The following DNMT3A variants were observed in gnomAD, a reference collection of about 807,000 sequenced individuals.
The protein encoded by DNMT3A is DNA methyltransferase 3 alpha.
Under a neutral mutation model 117.6 loss-of-function variants are expected in DNMT3A, and 267 were observed. The ratio of observed to expected loss-of-function variants is 2.27; its 90% CI spans 2.05 to 2.51. The LOEUF (loss-of-function observed/expected upper bound fraction) is 2.51. Ranked by LOEUF, DNMT3A falls within the 30% of genes most tolerant of loss-of-function variation. DNMT3A has a pLI of 0.00. For missense variants in DNMT3A, 1,029 were observed against 1,260.2 expected (o/e 0.82, Z 2.78); for synonymous variants, 432 against 474.8 (o/e 0.91, Z 1.17).
intron 1 of DNMT3A, chr2:25,328,797 C>T: frequency 2.2e-6 from 1 of 449,930 alleles, no homozygotes; most frequent in Non-Finnish European, 4.7e-6. Flanking sequence ...GCTCCGAGGG[C>T]AGAACATACA....
intron 3 of DNMT3A, among the ~76,000 whole-genome samples, chr2:25,284,107 G>T (rs1187935336): frequency 6.6e-6 from 1 of 152,206 alleles, no homozygotes; most frequent in Non-Finnish European, 1.5e-5. Context: ...TCGGCACTCT[G>T]CCACACCCAC....
At position 25,234,069 on chromosome 2, in the gene DNMT3A, A is replaced by G. The variant is rs1673046911; in HGVS notation, c.*210T>C. Reference sequence around the variant, plus strand: ...TTTTTAAATAGGACTGAAGAATAACATTGAAAAATCAGGAGATGATGTCCA... The same window carrying G: ...TTTTTAAATAGGACTGAAGAATAACGTTGAAAAATCAGGAGATGATGTCCA... On this transcript the variant is annotated 3_prime_UTR_variant, in exon 23 of 23. Transcript: ENST00000321117. This position sits in a 1 kb window ranked among gnomAD's most constrained non-coding sequence, Gnocchi z 4.5. The G allele has an allele frequency of 9.3e-6, 6 of 642,556 alleles. No homozygotes were observed. The South Asian group carries it at 1.0e-4, about 11-fold the overall frequency. 39.8% of individuals were successfully genotyped at this position (642,556 alleles called of 1,614,324 possible).
chr2:25,331,973 C>A (rs2035030594), intron 1 of DNMT3A, among the ~76,000 whole-genome samples: 1 of 152,084 alleles, frequency 6.6e-6, no homozygotes, highest in South Asian at 2.1e-4. Flanking sequence ...CAGACAGCCA[C>A]CCCAACTCCC....
At chr2:25,277,530 G>C (rs1475223942) in intron 4 of DNMT3A, among the ~76,000 whole-genome samples, 10 of 152,180 alleles carry the variant, frequency 6.6e-5, no homozygotes, top group Non-Finnish European at 1.3e-4. Flanking sequence ...CGGCTAGGGC[G>C]GGGAGTGGAG....
rs1388308807 is a variant in DNMT3A, at chr2:25,246,508, C to T, written c.1279+112G>A. 4 of 1,491,304 alleles carry T rather than the reference C, an allele frequency of 2.7e-6. No individual in the cohort carries two copies. The African/African-American group carries it at 5.6e-5, about 21-fold the overall frequency. 92.4% of individuals were successfully genotyped at this position (1,491,304 alleles called of 1,614,324 possible). A position where few individuals can be genotyped will look rare whatever the true frequency, so the allele number is the denominator to read the frequency against. ...GCAAGAGAGACCCCGGCTGTTCCCACTGGGCCCCTCTGTGGAGGCCTTGGC... is the reference window on the plus strand; with the variant it reads ...GCAAGAGAGACCCCGGCTGTTCCCATTGGGCCCCTCTGTGGAGGCCTTGGC... On this transcript the variant is annotated intron_variant, in intron 10 of 22. Coordinates refer to ENST00000321117, the MANE Select transcript of DNMT3A (RefSeq NM_022552.5).
At chr2:25,279,322 C>T (rs1466567729) in intron 4 of DNMT3A, among the ~76,000 whole-genome samples, 3 of 152,174 alleles carry the variant, frequency 2.0e-5, no homozygotes, top group Non-Finnish European at 2.9e-5. Context: ...GAAAGGGGTT[C>T]CAGGAGAGCA....
At chr2:25,303,294 G>A (rs758851840) in intron 2 of DNMT3A, among the ~76,000 whole-genome samples, 4 of 152,230 alleles carry the variant, frequency 2.6e-5, no homozygotes, top group Non-Finnish European at 4.4e-5. Flanking sequence ...GACATTTCAC[G>A]ATGGGCACCA....
At chr2:25,262,201 A>AG (rs1676679029) in intron 6 of DNMT3A, among the ~76,000 whole-genome samples, 1 of 151,470 alleles carries the variant, frequency 6.6e-6, no homozygotes, top group Non-Finnish European at 1.5e-5. Flanking sequence ...AAAAAAAAAA[A>AG]AAAAAAACCT....
Position 25,306,322 on chromosome 2 carries a change from T to G in DNMT3A, c.73-6079A>C, listed in dbSNP as rs910786881. Among the ~76,000 whole-genome samples, 2 of 152,210 alleles carry G rather than the reference T, an allele frequency of 1.3e-5. No homozygotes were observed. The highest frequency in any genetic ancestry group is 2.9e-5 in the Non-Finnish European group (2 of 68,044). On this transcript the variant is annotated intron_variant, in intron 2 of 22. Transcript: ENST00000321117. The surrounding 1 kb of genome is among the most constrained non-coding windows in gnomAD (Gnocchi z 4.1). ...AGAGCCCTCCAAAGCCCCCTACTTTTTCTGATCTCAGTCACCTCCCAAGGC... is the reference window on the plus strand; with the variant it reads ...AGAGCCCTCCAAAGCCCCCTACTTTGTCTGATCTCAGTCACCTCCCAAGGC...
Position 25,244,282 on chromosome 2 carries a change from G to A in DNMT3A, c.1724C>T (p.Ala575Val), listed in dbSNP as rs2149289733. The change falls in exon 15 of 23, where the codon GCC becomes GTC. Residue 575 changes from alanine to valine, a missense_variant. Transcript: ENST00000321117. ...LLVGPGAAQA[A>V]IKEDPWNCYM... ...GCAGTTCCAGGGGTCTTCCTTAATGGCTGCCTGGGCAGCCCCCGGCCCCAC... is the reference window on the plus strand; with the variant it reads ...GCAGTTCCAGGGGTCTTCCTTAATGACTGCCTGGGCAGCCCCCGGCCCCAC... The A allele has an allele frequency of 6.2e-7, 1 of 1,612,974 alleles. No homozygotes were observed. Among genetic ancestry groups the A allele is most frequent in the Non-Finnish European group, 8.5e-7 (1 of 1,179,600 alleles).
rs750962348 is a variant in DNMT3A at position 25,240,373 on chromosome 2, A to C, written c.2251T>G (p.Phe751Val). 3 of 1,614,030 alleles carry C rather than the reference A, an allele frequency of 1.9e-6. No homozygotes were observed. The highest frequency in any genetic ancestry group is 1.7e-6 in the Non-Finnish European group (2 of 1,180,002). ...ARPKEGDDRP[F>V]FWLFENVVAM... ...ACCACATTCTCAAAGAGCCAGAAGA[A>C]GGGGCGATCATCTCCCTCCTTGGGC... The change falls in exon 19 of 23, where the codon TTC becomes GTC. Residue 751 changes from phenylalanine to valine, a missense_variant. Phe to Val is a conservative substitution (Grantham distance 50, BLOSUM62 -1). Transcript: ENST00000321117.
chr2:25,263,239 T>G (rs1676762480), intron 6 of DNMT3A, among the ~76,000 whole-genome samples: 1 of 152,168 alleles, frequency 6.6e-6, no homozygotes, highest in South Asian at 2.1e-4. Context: ...TTGCACTTAC[T>G]GAAATTCTCA....
rs1030791846 is a variant in DNMT3A, at chr2:25,236,733, C to T, written c.2478+203G>A. ...TGTCTACCGGGGGTGATGGGCGACACTCACCAGGGAGGAAGGGCTGAAGGC... is the reference window on the plus strand; with the variant it reads ...TGTCTACCGGGGGTGATGGGCGACATTCACCAGGGAGGAAGGGCTGAAGGC... On this transcript the variant is annotated intron_variant, in intron 21 of 22. Transcript: ENST00000321117. This position sits in a 1 kb window ranked among gnomAD's most constrained non-coding sequence, Gnocchi z 4.5. Among the ~76,000 whole-genome samples, 2 of 152,242 alleles carry T rather than the reference C, an allele frequency of 1.3e-5. No homozygotes were observed. The highest frequency in any genetic ancestry group is 2.4e-5 in the African/African-American group (1 of 41,478).
chr2:25,253,098 T>C (rs965720046), intron 6 of DNMT3A, among the ~76,000 whole-genome samples: 1 of 152,122 alleles, frequency 6.6e-6, no homozygotes, highest in Non-Finnish European at 1.5e-5. Context: ...ATTCCCAGGC[T>C]CAAACATCTG....
At chr2:25,288,391 C>CT (rs950521536) in intron 3 of DNMT3A, among the ~76,000 whole-genome samples, 15 of 149,150 alleles carry the variant, frequency 1.0e-4, no homozygotes, top group Middle Eastern at 3.6e-3. Context: ...AGATCGCTCA[C>CT]TTTTTTTTTT....
chr2:25,312,891 C>G (rs1430998753), intron 2 of DNMT3A, among the ~76,000 whole-genome samples: 1 of 152,108 alleles, frequency 6.6e-6, no homozygotes, highest in Non-Finnish European at 1.5e-5. Context: ...CCAAAAGAAC[C>G]AACTGGTGCC....
chr2:25,273,889 A>G (rs1441099996), intron 6 of DNMT3A, among the ~76,000 whole-genome samples: 2 of 152,116 alleles, frequency 1.3e-5, no homozygotes, highest in East Asian at 1.9e-4. Flanking sequence ...CTCAGTCCCT[A>G]CTGCCTGCCA....
intron 6 of DNMT3A, among the ~76,000 whole-genome samples, chr2:25,261,321 C>T (rs1379073868): frequency 6.6e-6 from 1 of 151,734 alleles, no homozygotes; most frequent in Non-Finnish European, 1.5e-5. Flanking sequence ...TGCCTATAGT[C>T]CCAGCTACTC....
At chr2:25,314,223 C>T (rs1436234718) in intron 1 of DNMT3A, 62 bp from the exon 2 acceptor site, 2 of 1,386,002 alleles carry the variant, frequency 1.4e-6, no homozygotes, top group Non-Finnish European at 1.9e-6. Context: ...GTCAGGCCCT[C>T]AGCCCAGGGC....
Sources: allele counts gnomAD v4.1 joint callset (sites outside exome capture counted in the v4.1 genomes callset), GRCh38; gene constraint gnomAD v4.1.1; non-coding constraint Gnocchi (gnomAD v3.1); transcripts MANE v1.5; gene names NCBI Gene and HGNC (gene_info 2026-07-23, HGNC 2026-07-21).